Variants in TBC1D31 observed in about 807,000 individuals in gnomAD.
The protein encoded by TBC1D31 is WD repeat domain 67.
A neutral mutation model predicts 132.9 loss-of-function variants in TBC1D31; 99 were observed. The ratio of observed to expected loss-of-function variants is 0.74; its 90% CI spans 0.63 to 0.88. The LOEUF is 0.88. TBC1D31 is among the 40% of genes least tolerant of loss of function. The probability of loss-of-function intolerance (pLI) is 0.00; values close to 1 mark genes in which losing one functional copy is unlikely to be tolerated. For synonymous variants in TBC1D31, 385 were observed against 419.4 expected, an observed-to-expected ratio of 0.92 and a Z score of 1.00; for missense variants, 1,134 against 1,256.6, an observed-to-expected ratio of 0.90 and a Z score of 1.48.
intron 2 of TBC1D31, among the ~76,000 whole-genome samples, chr8:123,082,085 T>A (rs559194839): frequency 1.3e-5 from 2 of 152,358 alleles, no homozygotes; most frequent in South Asian, 4.1e-4. Context: ...CACAAGGGCC[T>A]TAAACAACAT....
chr8:123,131,417 TATAG>T (rs1221954845), intron 16 of TBC1D31, among the ~76,000 whole-genome samples: 1 of 151,352 alleles, frequency 6.6e-6, no homozygotes, highest in African/African-American at 2.4e-5. Flanking sequence ...AGGTATGTTC[TATAG>T]ATAGAGGAGT....
intron 1 of TBC1D31, 37 bp from the exon 2 acceptor site, chr8:123,077,074 G>T: frequency 1.3e-6 from 2 of 1,548,158 alleles, no homozygotes; most frequent in South Asian, 2.4e-5. Flanking sequence ...AGTAATACGT[G>T]ACATAGATTC....
At chr8:123,078,628 C>G (rs1294794141) in intron 2 of TBC1D31, among the ~76,000 whole-genome samples, 1 of 152,068 alleles carries the variant, frequency 6.6e-6, no homozygotes, top group African/African-American at 2.4e-5. Context: ...AGGGAAAGTA[C>G]AGGATGAGCC....
intron 19 of TBC1D31, 27 bp from the exon 20 acceptor site, chr8:123,144,690 T>A: frequency 6.3e-7 from 1 of 1,592,046 alleles, no homozygotes. Flanking sequence ...TTTTATGTAA[T>A]CTTTTTTTCC....
the TBC1D31 span, among the ~76,000 whole-genome samples, chr8:123,164,195 T>C: frequency 6.6e-6 from 1 of 152,216 alleles, no homozygotes; most frequent in Non-Finnish European, 1.5e-5. Context: ...CGCATTCTCC[T>C]TGGACCAGCC....
intron 14 of TBC1D31, among the ~76,000 whole-genome samples, chr8:123,128,745 A>G (rs952323877): frequency 6.6e-6 from 1 of 151,816 alleles, no homozygotes; most frequent in Non-Finnish European, 1.5e-5. Flanking sequence ...GCATGGTGGC[A>G]CGCCCCTGTA....
In TBC1D31 at chr8:123,105,339, A is replaced by G. The variant is rs1042437842; in HGVS notation, c.1084A>G (p.Ser362Gly). 4.4e-6 allele frequency: 7 copies of G among 1,606,136 alleles called. No individual in the cohort carries two copies. In the East Asian group the frequency reaches 1.1e-4, roughly 26 times the overall value. The part of the protein sequence containing the change: ...VIEDLPKNKL[S>G]SSDLKMKVTS... ...TGAAGATTTGCCCAAGAATAAACTGAGTTCCAGTGATCTTAAGATGAAAGT... is the reference window on the plus strand; with the variant it reads ...TGAAGATTTGCCCAAGAATAAACTGGGTTCCAGTGATCTTAAGATGAAAGT... The change falls in exon 8 of 22, where the codon AGT becomes GGT. Residue 362 changes from serine (S) to glycine (G), a missense_variant. Ser to Gly is a moderately conservative substitution (Grantham distance 56). Transcript: ENST00000287380.
chr8:123,146,372 T>TGTCC (rs1194333613), intron 20 of TBC1D31, among the ~76,000 whole-genome samples: 1 of 152,224 alleles, frequency 6.6e-6, no homozygotes, highest in Non-Finnish European at 1.5e-5. Context: ...AACTACCTTG[T>TGTCC]GTCCACTCAC....
chr8:123,078,980 A>G (rs1814840431), intron 2 of TBC1D31, among the ~76,000 whole-genome samples: 1 of 152,236 alleles, frequency 6.6e-6, no homozygotes, highest in African/African-American at 2.4e-5. Flanking sequence ...GTGCCACCTG[A>G]TAGGATGCAG....
intron 10 of TBC1D31, among the ~76,000 whole-genome samples, chr8:123,115,152 T>G (rs1344321057): frequency 6.6e-6 from 1 of 152,242 alleles, no homozygotes; most frequent in East Asian, 1.9e-4. Flanking sequence ...TCTCAGAAAA[T>G]TCTGCCAACC....
intron 4 of TBC1D31, among the ~76,000 whole-genome samples, chr8:123,085,170 T>C (rs1486021012): frequency 6.6e-6 from 1 of 152,186 alleles, no homozygotes; most frequent in Non-Finnish European, 1.5e-5. Flanking sequence ...TAACTAGGGG[T>C]CAATATTTGT....
intron 18 of TBC1D31, 149 bp from the exon 19 acceptor site, chr8:123,142,113 A>C (rs13250325): frequency 0.073 from 35,335 of 483,350 alleles, 1,632 homozygotes; most frequent in Admixed American, 0.17. Context: ...CCCAGTCATC[A>C]GCTTATTTTA....
At chr8:123,156,550 G>A (rs921323130), downstream of TBC1D31, among the ~76,000 whole-genome samples, 7 of 151,996 alleles carry the variant, frequency 4.6e-5, no homozygotes, top group South Asian at 6.2e-4. Flanking sequence ...AATTTAATTC[G>A]CTGTTTGACC....
intron 17 of TBC1D31, among the ~76,000 whole-genome samples, chr8:123,137,628 G>T (rs1273620734): frequency 6.6e-6 from 1 of 152,198 alleles, no homozygotes; most frequent in Middle Eastern, 3.2e-3. Flanking sequence ...GTTTTACTGG[G>T]GGTCATGTAG....
At chr8:123,110,453 C>T (rs1005646497) in intron 10 of TBC1D31, among the ~76,000 whole-genome samples, 1 of 152,176 alleles carries the variant, frequency 6.6e-6, no homozygotes, top group African/African-American at 2.4e-5. Context: ...GATCAAGTCA[C>T]AGCAGTGATA....
chr8:123,106,271 A>T (rs530812834), intron 8 of TBC1D31, among the ~76,000 whole-genome samples: 4 of 152,198 alleles, frequency 2.6e-5, no homozygotes, highest in Non-Finnish European at 2.9e-5. Context: ...ATCTCCTGCC[A>T]TCTTGCTCTG....
At chr8:123,114,625 G>A (rs918941542) in intron 10 of TBC1D31, among the ~76,000 whole-genome samples, 36 of 152,014 alleles carry the variant, frequency 2.4e-4, no homozygotes, top group African/African-American at 8.5e-4. Context: ...CCCGGCCTGT[G>A]ATACAGTATT....
chr8:123,128,618 T>A, intron 14 of TBC1D31, 105 bp downstream of exon 14: 1 of 881,790 alleles, frequency 1.1e-6, no homozygotes, highest in Non-Finnish European at 1.7e-6. Flanking sequence ...GGCTCACGCC[T>A]ATAGTCCCAG....
chr8:123,132,325 A>G (rs773819931), intron 16 of TBC1D31, among the ~76,000 whole-genome samples: 1 of 144,138 alleles, frequency 6.9e-6, no homozygotes, highest in Admixed American at 7.0e-5. Context: ...TGGAATTTTT[A>G]TTAGGATTAC....
Sources: allele counts gnomAD v4.1 joint callset (sites outside exome capture counted in the v4.1 genomes callset), GRCh38; gene constraint gnomAD v4.1.1; transcripts MANE v1.5; gene names NCBI Gene and HGNC (gene_info 2026-07-23, HGNC 2026-07-21).